The following ALPL variants were observed in gnomAD, a reference collection of about 807,000 sequenced individuals.
ALPL encodes alkaline phosphatase, tissue-nonspecific isozyme.
Under a neutral mutation model 51.3 loss-of-function variants are expected in ALPL, and 42 were observed. That is an observed-to-expected ratio of 0.82 (90% CI 0.64 to 1.06). ALPL has a LOEUF of 1.06. ALPL is among the 50% of genes least tolerant of loss of function. ALPL has a pLI of 0.00. For synonymous variants in ALPL, 279 were observed against 296.4 expected, an observed-to-expected ratio of 0.94 and a Z score of 0.60; for missense variants, 589 against 709.4, an observed-to-expected ratio of 0.83 and a Z score of 1.93.
At chr1:21,511,360 C>T (rs933322973) in intron 1 of ALPL, among the ~76,000 whole-genome samples, 3 of 152,212 alleles carry the variant, frequency 2.0e-5, no homozygotes, top group African/African-American at 7.2e-5. Flanking sequence ...CTCTGTGCCT[C>T]GGCCTCCTCC....
chr1:21,519,895 C>T (rs995308425), intron 1 of ALPL, among the ~76,000 whole-genome samples: 2 of 152,160 alleles, frequency 1.3e-5, no homozygotes, highest in Non-Finnish European at 2.9e-5. Context: ...GAATTAGGTA[C>T]CCCACCTGTT....
At chr1:21,520,665 G>A (rs1190500698) in intron 1 of ALPL, among the ~76,000 whole-genome samples, 1 of 151,976 alleles carries the variant, frequency 6.6e-6, no homozygotes, top group Non-Finnish European at 1.5e-5. Context: ...GTTTCACCGT[G>A]TTAGCCAGGA....
intron 1 of ALPL, among the ~76,000 whole-genome samples, chr1:21,523,318 A>C (rs1643902608): frequency 6.6e-6 from 1 of 152,152 alleles, no homozygotes. Context: ...AAACAAAAAC[A>C]AAAATGGGGA....
chr1:21,543,080 C>T (rs577116227), intron 1 of ALPL, among the ~76,000 whole-genome samples: 15 of 151,972 alleles, frequency 9.9e-5, no homozygotes. Context: ...CTTAAGGCTG[C>T]AGTGAACTAT....
Position 21,577,784 on chromosome 1 carries a change from GTC to G in ALPL, c.*138_*139del. The G allele has an allele frequency of 8.4e-7, 1 of 1,184,834 alleles. No individual in the cohort carries two copies. The highest frequency in any genetic ancestry group is 1.5e-5 in the African/African-American group (1 of 65,156). The allele number at this position is 1,184,834 out of a possible 1,614,324, so 73.4% of individuals were successfully genotyped here. ...AAGAAAGGGGACCCAAGAAACCAAA[GTC>G]TGCCGCCCACCTCGCTCCCCTCTGG... On this transcript the variant is annotated 3_prime_UTR_variant, in exon 12 of 12. Transcript: ENST00000374840.
intron 4 of ALPL, among the ~76,000 whole-genome samples, chr1:21,562,245 C>T (rs991480320): frequency 3.9e-5 from 6 of 152,128 alleles, no homozygotes; most frequent in East Asian, 1.9e-4. Context: ...TGCTAAAAAA[C>T]GCTAATGAAG....
Position 21,561,079 on chromosome 1 carries a change from C to A in ALPL, c.182-18C>A. ...AGGCAGGAGCACGAGAGACTGAGGC[C>A]CCCACTCCCCACTGCAGGGATGGGT... On this transcript the variant is annotated intron_variant, in intron 3 of 11. Coordinates refer to ENST00000374840, the MANE Select transcript of ALPL (RefSeq NM_000478.6). The A allele has an allele frequency of 6.3e-7, 1 of 1,589,570 alleles. No homozygotes were observed. The highest frequency in any genetic ancestry group is 8.6e-7 in the Non-Finnish European group (1 of 1,166,310).
At chr1:21,573,278 A>T (rs897106666) in intron 8 of ALPL, among the ~76,000 whole-genome samples, 4 of 152,056 alleles carry the variant, frequency 2.6e-5, no homozygotes, top group Admixed American at 2.6e-4. Context: ...TACTTAAAAT[A>T]CAACAAAAAT....
chr1:21,567,637 C>T (rs752057491), intron 6 of ALPL, among the ~76,000 whole-genome samples: 15 of 152,342 alleles, frequency 9.8e-5, no homozygotes, highest in Admixed American at 7.2e-4. Flanking sequence ...GGGTTTGAAT[C>T]CTGATGCTGC....
At chr1:21,531,253 C>T (rs567799451) in intron 1 of ALPL, among the ~76,000 whole-genome samples, 9 of 152,162 alleles carry the variant, frequency 5.9e-5, no homozygotes, top group South Asian at 4.1e-4. Context: ...CCACGGCGCC[C>T]GGCCAATTTT....
chr1:21,568,571 G>A (rs999567615), intron 7 of ALPL, among the ~76,000 whole-genome samples: 1 of 152,152 alleles, frequency 6.6e-6, no homozygotes, highest in Non-Finnish European at 1.5e-5. Context: ...GGCTGAGTCA[G>A]ATGGCCAAGG....
At position 21,536,602 on chromosome 1, in the gene ALPL, T is replaced by C. The variant is rs60466163; in HGVS notation, c.-104-17376T>C. 8.6e-3 allele frequency among the ~76,000 whole-genome samples: 1,311 copies of C among 152,210 alleles called. 27 individuals carry two copies. Among genetic ancestry groups the C allele is most frequent in the African/African-American group, 0.03 (1,257 of 41,516 alleles). Reference sequence around the variant, plus strand: ...TGCTTCCTCTTCAGGCTATACAAAGTGCCCTTCCCCACCACTTCACACCCT... The same window carrying C: ...TGCTTCCTCTTCAGGCTATACAAAGCGCCCTTCCCCACCACTTCACACCCT... On this transcript the variant is annotated intron_variant, in intron 1 of 11. Coordinates refer to ENST00000374840, the MANE Select transcript of ALPL (RefSeq NM_000478.6).
chr1:21,542,662 T>TTCAA (rs1427629529), intron 1 of ALPL, among the ~76,000 whole-genome samples: 1 of 152,072 alleles, frequency 6.6e-6, no homozygotes, highest in African/African-American at 2.4e-5. Flanking sequence ...GCCAACATGG[T>TTCAA]GAAACCCTGT....
intron 2 of ALPL, 30 bp from the exon 3 acceptor site, chr1:21,560,596 C>T (rs373805097): frequency 6.0e-5 from 97 of 1,613,160 alleles, no homozygotes; most frequent in South Asian, 4.6e-4. Flanking sequence ...ATCCTTACCC[C>T]GCCAAGTAAC....
In ALPL at chr1:21,513,312, C is replaced by A. The variant is rs533002949; in HGVS notation, c.-105+3795C>A. On this transcript the variant is annotated intron_variant, in intron 1 of 11. Transcript: ENST00000374840. ...CCTGGCCTTAAGCTACATGATCTTTCCAAAGGCAACCACTCTCCTGAATTT... is the reference window on the plus strand; with the variant it reads ...CCTGGCCTTAAGCTACATGATCTTTACAAAGGCAACCACTCTCCTGAATTT... 2.0e-5 allele frequency among the ~76,000 whole-genome samples: 3 copies of A among 152,242 alleles called. No homozygotes were observed. In the East Asian group the frequency reaches 5.8e-4, roughly 29 times the overall value.
At chr1:21,536,920 G>A (rs1401220369) in intron 1 of ALPL, among the ~76,000 whole-genome samples, 3 of 133,492 alleles carry the variant, frequency 2.2e-5, no homozygotes, top group East Asian at 2.2e-4. Context: ...TTTTTGAGAC[G>A]GAGTCTTGCT....
At chr1:21,551,426 G>A (rs1313063996) in intron 1 of ALPL, 1 of 152,192 alleles carries the variant, frequency 6.6e-6, no homozygotes, top group East Asian at 1.9e-4. Context: ...CTTCCTGAAA[G>A]AGGTGACTTC....
chr1:21,538,184 C>T (rs1054978504), intron 1 of ALPL, among the ~76,000 whole-genome samples: 3 of 152,176 alleles, frequency 2.0e-5, no homozygotes, highest in Non-Finnish European at 2.9e-5. Flanking sequence ...CCAGGATGGT[C>T]CCCATTTGAC....
At chr1:21,528,062 C>G (rs1240713502) in intron 1 of ALPL, among the ~76,000 whole-genome samples, 1 of 151,220 alleles carries the variant, frequency 6.6e-6, no homozygotes, top group Non-Finnish European at 1.5e-5. Context: ...GCTCTGTCAC[C>G]CAGGCTGGAG....
Sources: gnomAD v4.1 joint callset for allele counts (sites outside exome capture counted in the v4.1 genomes callset) on GRCh38, gnomAD v4.1.1 for gene constraint, MANE v1.5 for transcripts, NCBI Gene and HGNC (gene_info 2026-07-23, HGNC 2026-07-21) for gene names.